The following AQP7 variants were observed in gnomAD, a reference collection of about 807,000 sequenced individuals.
The protein encoded by AQP7 is aquaporin-7.
Under a neutral mutation model 26.1 loss-of-function variants are expected in AQP7, and 22 were observed. The ratio of observed to expected loss-of-function variants is 0.84; its 90% CI spans 0.60 to 1.20. The LOEUF is 1.20. AQP7 is among the 50% of genes most tolerant of loss of function. The pLI is 0.00. For missense variants in AQP7, 412 were observed against 457.5 expected (o/e 0.90, Z 0.91); for synonymous variants, 167 against 181.7 (o/e 0.92, Z 0.65).
Position 33,385,243 on chromosome 9 carries a change from C to T in AQP7, c.791G>A (p.Gly264Asp). 1 of 1,611,724 alleles carries T rather than the reference C, an allele frequency of 6.2e-7. No individual in the cohort carries two copies. The highest frequency in any genetic ancestry group is 8.5e-7 in the Non-Finnish European group (1 of 1,179,764). Reference protein sequence around the residue: ...WWVPVVAPLLGAYLGGIIYLV... With the variant: ...WWVPVVAPLLDAYLGGIIYLV... ...GTAGATGATGCCACCTAGATAGGCA[C>T]CCAGAAGTGGTGCCACCACTGGCAC... The change falls in exon 8 of 8, where the codon GGT becomes GAT. Residue 264 changes from glycine to aspartate, a missense_variant. By Grantham distance (94) the Gly-to-Asp change is moderately conservative (BLOSUM62 -1). Transcript: ENST00000297988.
intron 3 of AQP7, chr9:33,394,066 C>T (rs1825642259): frequency 6.6e-6 from 1 of 152,566 alleles, no homozygotes; most frequent in Non-Finnish European, 1.5e-5. Flanking sequence ...CAAGCCTCTC[C>T]TGAGCTCCAG....
chr9:33,397,157 G>T (rs573365577), intron 2 of AQP7, among the ~76,000 whole-genome samples: 1 of 150,878 alleles, frequency 6.6e-6, no homozygotes, highest in East Asian at 1.9e-4. Flanking sequence ...TTCTTCCTAA[G>T]GGCTGGGATC....
At chr9:33,396,942 A>T (rs1211561184) in intron 2 of AQP7, among the ~76,000 whole-genome samples, 1 of 151,770 alleles carries the variant, frequency 6.6e-6, no homozygotes, top group Non-Finnish European at 1.5e-5. Context: ...CAAAAAAAAA[A>T]ATACAAAAAT....
At position 33,384,552 on chromosome 9, in the gene AQP7, A is replaced by G. The variant is rs1824566830; in HGVS notation, c.*453T>C. ...AAAAAAGGCTAAAAAATTCTGATCT[A>G]CATTCTTGGGCCTTGCCTTGTCTGG... On this transcript the variant is annotated 3_prime_UTR_variant, in exon 8 of 8. Transcript: ENST00000297988. 3 of 155,596 alleles carry G rather than the reference A, an allele frequency of 1.9e-5. No homozygotes were observed. The highest frequency in any genetic ancestry group is 7.2e-5 in the African/African-American group (3 of 41,590). The allele number at this position is 155,596 out of a possible 1,614,324, so 9.6% of individuals were successfully genotyped here. A position where few individuals can be genotyped will look rare whatever the true frequency, so the allele number is the denominator to read the frequency against.
At chr9:33,393,237 A>G (rs1406635961) in intron 3 of AQP7, among the ~76,000 whole-genome samples, 2 of 152,296 alleles carry the variant, frequency 1.3e-5, no homozygotes, top group African/African-American at 2.4e-5. Flanking sequence ...CAAAAATAAG[A>G]AAGCTAAATT....
intron 4 of AQP7, 111 bp downstream of exon 4, chr9:33,386,858 C>T (rs924939876): frequency 2.3e-5 from 34 of 1,507,204 alleles, no homozygotes; most frequent in Non-Finnish European, 3.0e-5. Context: ...CGCCCGGTGG[C>T]CAGGCTGAGG....
intron 2 of AQP7, 68 bp from the exon 3 acceptor site, chr9:33,395,263 C>G: frequency 2.2e-6 from 3 of 1,354,062 alleles, no homozygotes; most frequent in Non-Finnish European, 3.2e-6. Context: ...ATCGGCTCTT[C>G]AACTCCCAGC....
chr9:33,388,201 G>A lies in AQP7; in HGVS notation c.145-1109C>T, dbSNP rs368632121. Among the ~76,000 whole-genome samples, 329 of 152,254 alleles carry A rather than the reference G, an allele frequency of 2.2e-3. 1 individual carries two copies. The highest frequency in any genetic ancestry group is 6.8e-3 in the Middle Eastern group (2 of 294). Reference sequence around the variant, plus strand: ...CACTGGAACTCTCCTGGTGTTCCGCGGGCGTCTCAGGCTCTGTTGAAGGTT... The same window carrying A: ...CACTGGAACTCTCCTGGTGTTCCGCAGGCGTCTCAGGCTCTGTTGAAGGTT... On this transcript the variant is annotated intron_variant, in intron 3 of 7. Coordinates refer to ENST00000297988, the MANE Select transcript of AQP7 (RefSeq NM_001170.3).
chr9:33,385,255 G>A lies in AQP7; in HGVS notation c.779C>T (p.Ala260Val), dbSNP rs780673396. The change falls in exon 8 of 8, where the codon GCA becomes GTA. Residue 260 changes from alanine to valine, a missense_variant. Physicochemically the swap from Ala to Val is moderately conservative, Grantham distance 64. Coordinates refer to ENST00000297988, the MANE Select transcript of AQP7 (RefSeq NM_001170.3). ...GENWWWVPVV[A>V]PLLGAYLGGI... is the part of the protein sequence containing the mutation. Reference sequence around the variant, plus strand: ...ACCTAGATAGGCACCCAGAAGTGGTGCCACCACTGGCACCCACCACCAGTT... The same window carrying A: ...ACCTAGATAGGCACCCAGAAGTGGTACCACCACTGGCACCCACCACCAGTT... 64 of 1,611,374 alleles carry A rather than the reference G, an allele frequency of 4.0e-5. No individual in the cohort carries two copies. Among genetic ancestry groups the A allele is most frequent in the Non-Finnish European group, 5.1e-5 (60 of 1,179,658 alleles).
At chr9:33,400,075 A>C (rs1050105837) in intron 2 of AQP7, among the ~76,000 whole-genome samples, 2 of 152,064 alleles carry the variant, frequency 1.3e-5, no homozygotes, top group African/African-American at 4.8e-5. Context: ...GTGAGACACC[A>C]GTGGGTCTCT....
chr9:33,388,927 G>A (rs1436077358), intron 3 of AQP7, among the ~76,000 whole-genome samples: 2 of 152,140 alleles, frequency 1.3e-5, no homozygotes, highest in East Asian at 3.8e-4. Context: ...CATGATCAGG[G>A]CTCATTGCAG....
intron 6 of AQP7, 50 bp from the exon 7 acceptor site, chr9:33,385,916 A>G: frequency 1.9e-6 from 3 of 1,576,718 alleles, no homozygotes; most frequent in South Asian, 1.2e-5. Flanking sequence ...CCCAAGCCAC[A>G]GGACCTCGGC....
intron 3 of AQP7, 118 bp downstream of exon 3, chr9:33,394,960 C>T: frequency 1.1e-6 from 1 of 892,178 alleles, no homozygotes; most frequent in Non-Finnish European, 1.8e-6. Flanking sequence ...TGCTGCTTCC[C>T]CAGGCTCCCA....
intron 2 of AQP7, among the ~76,000 whole-genome samples, chr9:33,398,355 G>T (rs983032482): frequency 2.0e-5 from 3 of 151,794 alleles, no homozygotes; most frequent in Admixed American, 6.6e-5. Flanking sequence ...CTACCAGAGG[G>T]CCATGGGCCA....
intron 3 of AQP7, 33 bp from the exon 4 acceptor site, chr9:33,387,125 C>T (rs560612173): frequency 6.3e-7 from 1 of 1,592,450 alleles, no homozygotes; most frequent in African/African-American, 1.3e-5. Context: ...GGGCTGCCTG[C>T]CCAGAAGCCC....
chr9:33,384,879 C>T lies in AQP7; in HGVS notation c.*126G>A, dbSNP rs1330379367. ...CTCTACACCTTGGGCTAAGACATAG[C>T]CCTGGAGCTCCTGTAAGAACCCAGG... On this transcript the variant is annotated 3_prime_UTR_variant, in exon 8 of 8. Transcript: ENST00000297988. 3.0e-5 allele frequency: 35 copies of T among 1,164,732 alleles called. No homozygotes were observed. The highest frequency in any genetic ancestry group is 1.3e-4 in the South Asian group (9 of 67,634). 72.1% of individuals were successfully genotyped at this position (1,164,732 alleles called of 1,614,324 possible). A position where few individuals can be genotyped will look rare whatever the true frequency, so the allele number is the denominator to read the frequency against.
intron 3 of AQP7, among the ~76,000 whole-genome samples, chr9:33,392,973 A>G (rs1480858207): frequency 6.6e-6 from 1 of 152,220 alleles, no homozygotes; most frequent in African/African-American, 2.4e-5. Flanking sequence ...CACGCCAGCA[A>G]TCCCAGCACT....
intron 3 of AQP7, among the ~76,000 whole-genome samples, chr9:33,388,522 CT>C (rs1825083857): frequency 6.6e-6 from 1 of 152,206 alleles, no homozygotes; most frequent in East Asian, 1.9e-4. Flanking sequence ...TCCTTTCTGC[CT>C]GTTTCATATC....
rs1310801041 is a variant in AQP7 at position 33,392,069 on chromosome 9, T to C, written c.144+3009A>G. On this transcript the variant is annotated intron_variant, in intron 3 of 7. Coordinates refer to ENST00000297988, the MANE Select transcript of AQP7 (RefSeq NM_001170.3). ...TGACTCATGCCTGTAATCCCAGCAC[T>C]TTGGGAGGCCGAGGTGGGAGGATCA... is the stretch of plus-strand genomic sequence containing the variant. 6.6e-5 allele frequency among the ~76,000 whole-genome samples: 10 copies of C among 152,276 alleles called. No individual in the cohort carries two copies. The South Asian group carries it at 2.1e-3, about 32-fold the overall frequency.
Sources: gnomAD v4.1 joint callset for allele counts (sites outside exome capture counted in the v4.1 genomes callset) on GRCh38, gnomAD v4.1.1 for gene constraint, MANE v1.5 for transcripts, NCBI Gene and HGNC (gene_info 2026-07-23, HGNC 2026-07-21) for gene names.